The following N4BP2L2 variants were observed in gnomAD, a reference collection of about 807,000 sequenced individuals.
N4BP2L2 encodes the protein NEDD4-binding protein 2-like 2.
In N4BP2L2, 50 loss-of-function variants were observed where a neutral mutation model predicts 56.2. That is an observed-to-expected ratio of 0.89 (90% CI 0.71 to 1.13). N4BP2L2 has a LOEUF of 1.13. N4BP2L2 is among the 50% of genes most tolerant of loss of function. The pLI, the probability that N4BP2L2 is intolerant of heterozygous loss-of-function variation, is 0.00. For synonymous variants in N4BP2L2, 203 were observed against 223.6 expected, an observed-to-expected ratio of 0.91 and a Z score of 0.82; for missense variants, 689 against 693.8, an observed-to-expected ratio of 0.99 and a Z score of 0.08.
intron 6 of N4BP2L2, among the ~76,000 whole-genome samples, chr13:32,445,102 T>A (rs1386819853): frequency 6.6e-6 from 1 of 151,996 alleles, no homozygotes; most frequent in Non-Finnish European, 1.5e-5. Context: ...TACAAAAAAA[T>A]TAGCTGGGCG....
At chr13:32,490,203 G>T (rs1309415751) in intron 6 of N4BP2L2, 1 of 152,042 alleles carries the variant, frequency 6.6e-6, no homozygotes, top group African/African-American at 2.4e-5. Flanking sequence ...AGTTTTGTCT[G>T]CCTACTATTA....
chr13:32,509,464 T>G (rs943447519), downstream of N4BP2L2: 1 of 152,218 alleles, frequency 6.6e-6, no homozygotes, highest in African/African-American at 2.4e-5. Flanking sequence ...TATCAAAAGT[T>G]TGTTGACTGT....
chr13:32,464,364 C>T (rs1162666251), intron 6 of N4BP2L2, among the ~76,000 whole-genome samples: 1 of 152,182 alleles, frequency 6.6e-6, no homozygotes, highest in African/African-American at 2.4e-5. Flanking sequence ...ATTGGTAGGA[C>T]ACTGGAGGTG....
At chr13:32,519,084 T>A (rs557175631) in intron 5 of N4BP2L2, among the ~76,000 whole-genome samples, 3 of 152,038 alleles carry the variant, frequency 2.0e-5, no homozygotes, top group Non-Finnish European at 2.9e-5. Context: ...ACATTCAAGA[T>A]AAGAAAAGAA....
At chr13:32,482,363 T>A (rs767626863) in intron 6 of N4BP2L2, among the ~76,000 whole-genome samples, 7 of 152,188 alleles carry the variant, frequency 4.6e-5, no homozygotes, top group Non-Finnish European at 1.0e-4. Flanking sequence ...ACTGATTACT[T>A]GTAATTAGAC....
In N4BP2L2 at chr13:32,536,074, A is replaced by C. The variant is rs144435265; in HGVS notation, c.954T>G (p.Tyr318Ter). 6.2e-7 allele frequency: 1 copy of C among 1,613,982 alleles called. No individual in the cohort carries two copies. The highest frequency in any genetic ancestry group is 8.5e-7 in the Non-Finnish European group (1 of 1,180,026). Reference sequence around the variant, plus strand: ...TCCAGTTAACATGACAATTATTTACATAATATCCATTTTGTATCTGAGAGT... The same window carrying C: ...TCCAGTTAACATGACAATTATTTACCTAATATCCATTTTGTATCTGAGAGT... Residue 318 changes from tyrosine to a stop codon, truncating the protein, a stop_gained, in exon 2 of 6, where the codon TAT becomes TAG. Transcript: ENST00000267068. LOFTEE classifies it high-confidence loss of function.
intron 6 of N4BP2L2, chr13:32,446,244 A>AT (rs1487573372): frequency 1.6e-6 from 1 of 622,190 alleles, no homozygotes; most frequent in Non-Finnish European, 2.5e-6. Flanking sequence ...GGTTTAGAAA[A>AT]TACTCTAAGG....
intron 5 of N4BP2L2, among the ~76,000 whole-genome samples, chr13:32,520,233 T>G (rs1489093985): frequency 6.6e-6 from 1 of 151,880 alleles, no homozygotes; most frequent in Non-Finnish European, 1.5e-5. Flanking sequence ...TCTGTGAATA[T>G]ACAGAAAAAC....
intron 1 of N4BP2L2, 137 bp downstream of exon 1, chr13:32,538,481 T>C: frequency 2.6e-6 from 1 of 390,744 alleles, no homozygotes. Context: ...CCAGGAATTC[T>C]GGAGGTCTCT....
At chr13:32,474,184 T>C (rs969490169) in intron 6 of N4BP2L2, among the ~76,000 whole-genome samples, 11 of 152,186 alleles carry the variant, frequency 7.2e-5, no homozygotes, top group Non-Finnish European at 1.2e-4. Context: ...TAAACTTATA[T>C]AGATATTCAT....
chr13:32,481,103 AGTGAGACTCT>A (rs1468844740), intron 6 of N4BP2L2, among the ~76,000 whole-genome samples: 1 of 119,528 alleles, frequency 8.4e-6, no homozygotes, highest in Non-Finnish European at 1.6e-5. Flanking sequence ...TCAGCAACAG[AGTGAGACTCT>A]GTCTCAAAAA....
chr13:32,465,547 G>GT (rs2138803688), intron 6 of N4BP2L2, among the ~76,000 whole-genome samples: 1 of 151,788 alleles, frequency 6.6e-6, no homozygotes, highest in Non-Finnish European at 1.5e-5. Flanking sequence ...CACAAAAAGA[G>GT]TTTCACAAAA....
At chr13:32,494,206 C>T (rs2087896837) in intron 6 of N4BP2L2, among the ~76,000 whole-genome samples, 1 of 151,966 alleles carries the variant, frequency 6.6e-6, no homozygotes, top group Non-Finnish European at 1.5e-5. Context: ...TCTCTTGAAC[C>T]TGGGAGGCGG....
In N4BP2L2 at chr13:32,517,089, A is replaced by ATT. The variant is rs1281123121; in HGVS notation, c.*712_*713insAA. The stretch of plus-strand genomic sequence containing the variant: ...TATCACATTAAATTGAACAGAGAGA[A>ATT]GTAAAACATTATTAGAATCACTTTA... On this transcript the variant is annotated 3_prime_UTR_variant, in exon 6 of 6. Coordinates refer to ENST00000267068, the Ensembl canonical transcript of N4BP2L2. The ATT allele has an allele frequency of 2.1e-5, 21 of 979,734 alleles. No homozygotes were observed. In the African/African-American group the frequency reaches 3.7e-4, roughly 17 times the overall value. The allele number at this position is 979,734 out of a possible 1,614,324, so 60.7% of individuals were successfully genotyped here.
chr13:32,528,387 T>C (rs1321515677), intron 2 of N4BP2L2, among the ~76,000 whole-genome samples: 1 of 152,230 alleles, frequency 6.6e-6, no homozygotes, highest in Admixed American at 6.5e-5. Flanking sequence ...AATCAAACTT[T>C]AAATTTTTAA....
At chr13:32,444,253 G>A (rs908250805) in intron 6 of N4BP2L2, 12 of 638,034 alleles carry the variant, frequency 1.9e-5, no homozygotes, top group Middle Eastern at 4.5e-4. Context: ...AAGTGTGCAC[G>A]TACTTTTTCT....
chr13:32,434,448 A>G (rs1264685462), intron 9 of N4BP2L2, among the ~76,000 whole-genome samples: 5 of 151,968 alleles, frequency 3.3e-5, no homozygotes, highest in African/African-American at 1.2e-4. Flanking sequence ...ATCCTCATTT[A>G]AAAGATAAAA....
chr13:32,502,400 G>A (rs1432986235), intron 6 of N4BP2L2, among the ~76,000 whole-genome samples: 2 of 151,978 alleles, frequency 1.3e-5, no homozygotes, highest in Non-Finnish European at 1.5e-5. Context: ...TATAAAACTG[G>A]GTTGTTTCCA....
chr13:32,503,390 A>C (rs1254035697), intron 6 of N4BP2L2, among the ~76,000 whole-genome samples: 1 of 152,134 alleles, frequency 6.6e-6, no homozygotes, highest in Non-Finnish European at 1.5e-5. Context: ...TAAGGATATA[A>C]AAACACAGTC....
Sources: allele counts gnomAD v4.1 joint callset (sites outside exome capture counted in the v4.1 genomes callset), GRCh38; gene constraint gnomAD v4.1.1; transcripts MANE v1.5; gene names NCBI Gene and HGNC (gene_info 2026-07-23, HGNC 2026-07-21).